Variants in SARNP observed in about 807,000 individuals in gnomAD.
SARNP encodes SAP domain-containing ribonucleoprotein.
In SARNP, 5 loss-of-function variants were observed where a neutral mutation model predicts 38.1. That is an observed-to-expected ratio of 0.13 (90% confidence interval 0.07 to 0.28). SARNP has a LOEUF of 0.28. Ranked by LOEUF, SARNP falls within the 10% of genes least tolerant of loss-of-function variation. SARNP has a pLI of 1.00. For missense variants in SARNP, 180 were observed against 243.9 expected (o/e 0.74, Z 1.75); for synonymous variants, 84 against 80.6 (o/e 1.04, Z -0.23).
At chr12:55,773,046 T>G (rs1202253103) in intron 9 of SARNP, among the ~76,000 whole-genome samples, 3 of 152,194 alleles carry the variant, frequency 2.0e-5, no homozygotes, top group African/African-American at 7.2e-5. Context: ...GAGACGTGAA[T>G]GCTGTCTTAG....
At chr12:55,768,283 G>A (rs942435980) in intron 9 of SARNP, among the ~76,000 whole-genome samples, 29 of 140,454 alleles carry the variant, frequency 2.1e-4, no homozygotes, top group African/African-American at 5.9e-4. Context: ...CTGCCACCAC[G>A]CCCAGCTAAT....
intron 1 of SARNP, among the ~76,000 whole-genome samples, chr12:55,816,310 C>T (rs1880482463): frequency 6.6e-6 from 1 of 152,150 alleles, no homozygotes; most frequent in African/African-American, 2.4e-5. Context: ...CAGAAGTATA[C>T]AATTTCTATA....
At chr12:55,772,480 C>G (rs1165213026) in intron 9 of SARNP, among the ~76,000 whole-genome samples, 2 of 152,120 alleles carry the variant, frequency 1.3e-5, no homozygotes, top group Non-Finnish European at 1.5e-5. Context: ...TTCCCCAACC[C>G]CCACTCCTCT....
At chr12:55,810,519 C>T (rs1426667026) in intron 1 of SARNP, among the ~76,000 whole-genome samples, 4 of 150,300 alleles carry the variant, frequency 2.7e-5, no homozygotes, top group African/African-American at 9.8e-5. Flanking sequence ...GTGGCACAAT[C>T]TCGGCTCACT....
At position 55,803,646 on chromosome 12, in the gene SARNP, GC is replaced by G. The variant is rs1199321967; in HGVS notation, c.118del (p.Ala40HisfsTer52). On this transcript the variant is annotated frameshift_variant, in exon 2 of 11. Transcript: ENST00000336133. LOFTEE classifies it high-confidence loss of function. Reference protein sequence around the residue: ...IKQDLIHRLQAYLEEHAEEEA... With the variant: ...IKQDLIHRLQXYLEEHAEEEA... ...GTACTCACCATGTTCTTCAAGATAT[GC>G]CTGGAGTCTGTGGATAAGATCTTGC... The G allele has an allele frequency of 6.2e-7, 1 of 1,610,914 alleles. No individual in the cohort carries two copies. Among genetic ancestry groups the G allele is most frequent in the South Asian group, 1.1e-5 (1 of 90,928 alleles).
At chr12:55,781,204 T>G (rs1190161891) in intron 9 of SARNP, among the ~76,000 whole-genome samples, 1 of 152,244 alleles carries the variant, frequency 6.6e-6, no homozygotes, top group East Asian at 1.9e-4. Context: ...GGTGGCTATC[T>G]GTACTTTGAA....
In SARNP at chr12:55,767,877, TAC is replaced by T. The variant is rs900157714; in HGVS notation, c.502-7239_502-7238del. On this transcript the variant is annotated intron_variant, in intron 9 of 10. Coordinates refer to ENST00000336133, the MANE Select transcript of SARNP (RefSeq NM_033082.4). ...AAAAAAAAAAAAAAAAAAAAGGATA[TAC>T]ACACACACACACAAATACAAATAAA... Among the ~76,000 whole-genome samples, 223 of 127,468 alleles carry T rather than the reference TAC, an allele frequency of 1.7e-3. 1 individual carries two copies. Among genetic ancestry groups the T allele is most frequent in the African/African-American group, 6.4e-3 (212 of 33,314 alleles). 83.6% of individuals were successfully genotyped at this position (127,468 alleles called of 152,430 possible).
intron 9 of SARNP, among the ~76,000 whole-genome samples, chr12:55,775,181 C>G (rs1161029209): frequency 1.3e-5 from 2 of 149,726 alleles, no homozygotes; most frequent in African/African-American, 4.9e-5. Flanking sequence ...GCCACCACGC[C>G]CAGCCACACA....
intron 1 of SARNP, among the ~76,000 whole-genome samples, chr12:55,808,256 G>A (rs866726746): frequency 6.6e-6 from 1 of 151,990 alleles, no homozygotes; most frequent in South Asian, 2.1e-4. Context: ...GCTGAGGCAG[G>A]AGGACAGCTT....
chr12:55,807,894 G>GAAAAT (rs1880204154), intron 1 of SARNP, among the ~76,000 whole-genome samples: 1 of 151,626 alleles, frequency 6.6e-6, no homozygotes, highest in African/African-American at 2.4e-5. Flanking sequence ...ACTTCCTGGA[G>GAAAAT]AACAAGTCTT....
chr12:55,756,266 A>G (rs1303760847), downstream of SARNP: 1 of 152,218 alleles, frequency 6.6e-6, no homozygotes, highest in African/African-American at 2.4e-5. Context: ...TCACTTCTCC[A>G]AAGTCTCAGA....
intron 4 of SARNP, among the ~76,000 whole-genome samples, chr12:55,797,363 T>C (rs1879851287): frequency 6.6e-6 from 1 of 152,204 alleles, no homozygotes; most frequent in African/African-American, 2.4e-5. Flanking sequence ...GGTATATTTT[T>C]GGAGAACTTC....
At chr12:55,774,067 C>T (rs1191591591) in intron 9 of SARNP, among the ~76,000 whole-genome samples, 1 of 152,048 alleles carries the variant, frequency 6.6e-6, no homozygotes, top group Non-Finnish European at 1.5e-5. Flanking sequence ...TGCAGTGGCA[C>T]AACCATAGCT....
chr12:55,802,861 T>G (rs1880022423), intron 2 of SARNP, among the ~76,000 whole-genome samples: 1 of 151,212 alleles, frequency 6.6e-6, no homozygotes, highest in African/African-American at 2.4e-5. Flanking sequence ...CATTGAATGC[T>G]ATGCAGGAAT....
At chr12:55,766,333 CAA>C in intron 9 of SARNP, among the ~76,000 whole-genome samples, 1 of 152,088 alleles carries the variant, frequency 6.6e-6, no homozygotes, top group Non-Finnish European at 1.5e-5. Context: ...CACCCAAAAT[CAA>C]GAGAAAACTG....
intron 9 of SARNP, among the ~76,000 whole-genome samples, chr12:55,770,345 T>G (rs372493947): frequency 6.0e-5 from 9 of 150,612 alleles, no homozygotes; most frequent in Admixed American, 5.3e-4. Context: ...CCTGCCTCAG[T>G]CTCCCGAGTA....
intron 9 of SARNP, among the ~76,000 whole-genome samples, chr12:55,778,582 T>C (rs989972028): frequency 7.2e-5 from 11 of 152,192 alleles, no homozygotes; most frequent in Non-Finnish European, 7.3e-5. Flanking sequence ...GATTACACGT[T>C]GTATCTCTCC....
downstream of SARNP, chr12:55,753,314 T>C (rs767724142): frequency 2.0e-5 from 3 of 152,212 alleles, no homozygotes; most frequent in Non-Finnish European, 2.9e-5. Context: ...TAAACCAACA[T>C]AGCCAACGAA....
intron 9 of SARNP, among the ~76,000 whole-genome samples, chr12:55,766,853 C>T (rs1435406164): frequency 6.6e-6 from 1 of 152,128 alleles, no homozygotes; most frequent in Non-Finnish European, 1.5e-5. Context: ...AACTCCTAAG[C>T]TCAAGCAATC....
Sources: gnomAD v4.1 joint callset for allele counts (sites outside exome capture counted in the v4.1 genomes callset) on GRCh38, gnomAD v4.1.1 for gene constraint, MANE v1.5 for transcripts, NCBI Gene and HGNC (gene_info 2026-07-23, HGNC 2026-07-21) for gene names.